Variants in CENPP observed in about 807,000 individuals in gnomAD.
CENPP encodes centromere protein P.
Under a neutral mutation model 35.6 loss-of-function variants are expected in CENPP, and 24 were observed. The ratio of observed to expected loss-of-function variants is 0.67; its 90% confidence interval spans 0.49 to 0.95. The LOEUF is 0.95. Ranked by LOEUF, CENPP falls within the 40% of genes least tolerant of loss-of-function variation. The pLI, the probability that CENPP is intolerant of heterozygous loss-of-function variation, is 0.00. For missense variants in CENPP, 332 were observed against 345.3 expected (o/e 0.96, Z 0.31); for synonymous variants, 120 against 125.5 (o/e 0.96, Z 0.29).
intron 5 of CENPP, among the ~76,000 whole-genome samples, chr9:92,532,022 T>TTTTTG: frequency 7.8e-6 from 1 of 127,954 alleles, no homozygotes; most frequent in African/African-American, 3.6e-5. Flanking sequence ...AATGTTTTTT[T>TTTTTG]TTTTTTATTT....
chr9:92,555,754 A>G (rs1849711010), intron 5 of CENPP, among the ~76,000 whole-genome samples: 1 of 152,066 alleles, frequency 6.6e-6, no homozygotes, highest in Admixed American at 6.5e-5. Flanking sequence ...TTTGTTTCTT[A>G]GTGAAGTTAT....
chr9:92,503,855 T>C (rs190697006), intron 5 of CENPP, among the ~76,000 whole-genome samples: 16 of 152,362 alleles, frequency 1.1e-4, no homozygotes, highest in African/African-American at 3.4e-4. Context: ...TGTCCATATG[T>C]TGAAAACTCT....
intron 5 of CENPP, chr9:92,502,465 G>T: frequency 1.3e-5 from 21 of 1,593,162 alleles, no homozygotes; most frequent in Non-Finnish European, 1.7e-5. Flanking sequence ...TAATAATAGC[G>T]AGAGGAAGAA....
intron 5 of CENPP, among the ~76,000 whole-genome samples, chr9:92,432,229 G>A (rs1844127291): frequency 6.6e-6 from 1 of 152,054 alleles, no homozygotes; most frequent in African/African-American, 2.4e-5. Context: ...GGAGGCTGAG[G>A]CAGGAGAATC....
intron 5 of CENPP, chr9:92,470,790 G>C (rs1359856463): frequency 1.4e-6 from 2 of 1,431,324 alleles, no homozygotes; most frequent in Non-Finnish European, 1.9e-6. Flanking sequence ...ACCTTAGAAA[G>C]AAACAAACAT....
chr9:92,341,335 A>C (rs1036177434), intron 3 of CENPP, among the ~76,000 whole-genome samples: 4 of 152,118 alleles, frequency 2.6e-5, no homozygotes, highest in African/African-American at 9.7e-5. Context: ...TACCCTGTTA[A>C]GTACTTGATG....
intron 4 of CENPP, among the ~76,000 whole-genome samples, chr9:92,374,009 T>A (rs1842067630): frequency 6.6e-6 from 1 of 151,868 alleles, no homozygotes; most frequent in African/African-American, 2.4e-5. Context: ...TTTTTGGCAT[T>A]TGCTTTTGTA....
intron 4 of CENPP, among the ~76,000 whole-genome samples, chr9:92,378,843 T>C (rs1183411779): frequency 6.6e-6 from 1 of 152,154 alleles, no homozygotes; most frequent in Non-Finnish European, 1.5e-5. Flanking sequence ...GGTGTGGTGG[T>C]GTGGTAATTG....
At chr9:92,581,419 A>T (rs1850422344) in intron 5 of CENPP, among the ~76,000 whole-genome samples, 2 of 152,292 alleles carry the variant, frequency 1.3e-5, no homozygotes, top group South Asian at 4.1e-4. Context: ...ACCTAAATAT[A>T]ATTTAATGGA....
At chr9:92,550,591 G>C (rs144129867) in intron 5 of CENPP, among the ~76,000 whole-genome samples, 61 of 151,698 alleles carry the variant, frequency 4.0e-4, no homozygotes, top group African/African-American at 1.5e-3. Context: ...TCCTGCTGTA[G>C]TAATATTCAG....
rs1399436621 is a variant in CENPP, at chr9:92,476,046, T to C, written c.564+96187T>C. ...TATGAAATTATTCAAAATAGATGCA[T>C]CCTAGAGATGCTCACTGGTGAAACT... On this transcript the variant is annotated intron_variant, in intron 5 of 7. Transcript: ENST00000375587. The surrounding 1 kb of genome is among the most constrained non-coding windows in gnomAD (Gnocchi z 4.1). Among the ~76,000 whole-genome samples, 1 of 152,186 alleles carries C rather than the reference T, an allele frequency of 6.6e-6. No individual in the cohort carries two copies. The highest frequency in any genetic ancestry group is 1.5e-5 in the Non-Finnish European group (1 of 68,038).
At chr9:92,569,736 T>A (rs1850086055) in intron 5 of CENPP, among the ~76,000 whole-genome samples, 1 of 152,220 alleles carries the variant, frequency 6.6e-6, no homozygotes, top group African/African-American at 2.4e-5. Context: ...TCCATTTGTT[T>A]GTGTCCCTTT....
intron 5 of CENPP, among the ~76,000 whole-genome samples, chr9:92,399,469 C>T (rs370267555): frequency 2.1e-4 from 32 of 151,990 alleles, no homozygotes; most frequent in African/African-American, 7.7e-4. Context: ...AGCTCTTTAT[C>T]TAGTGATATT....
At chr9:92,588,996 T>C (rs1310828864) in intron 5 of CENPP, among the ~76,000 whole-genome samples, 1 of 152,264 alleles carries the variant, frequency 6.6e-6, no homozygotes, top group African/African-American at 2.4e-5. Flanking sequence ...CTGCTTAATA[T>C]GCAAATGTAT....
chr9:92,537,279 T>A (rs1020126250), intron 5 of CENPP, among the ~76,000 whole-genome samples: 1 of 152,160 alleles, frequency 6.6e-6, no homozygotes, highest in East Asian at 1.9e-4. Context: ...TTTTGTAAAA[T>A]GACCTAGATA....
chr9:92,393,342 T>G, intron 5 of CENPP: 1 of 902,066 alleles, frequency 1.1e-6, no homozygotes, highest in Non-Finnish European at 1.6e-6. Context: ...TATTACTAAT[T>G]TGAAGAGATG....
chr9:92,607,388 G>A (rs542043991), intron 5 of CENPP, among the ~76,000 whole-genome samples: 55 of 152,222 alleles, frequency 3.6e-4, no homozygotes, highest in African/African-American at 1.1e-3. Flanking sequence ...GTAGCCTGGT[G>A]GTTGCTTATG....
intron 5 of CENPP, among the ~76,000 whole-genome samples, chr9:92,572,387 T>A (rs888533994): frequency 1.3e-5 from 2 of 152,208 alleles, no homozygotes; most frequent in Non-Finnish European, 2.9e-5. Context: ...GGTTGAAAAT[T>A]CTTTTCTTTA....
Position 92,619,953 on chromosome 9 carries a change from G to A in CENPP, c.*6804G>A, listed in dbSNP as rs906616192. On this transcript the variant is annotated 3_prime_UTR_variant, in exon 8 of 8. Coordinates refer to ENST00000375587, the MANE Select transcript of CENPP (RefSeq NM_001012267.3). ...TCAGAGTATCAAGTGAGTATCACTC[G>A]ACACCTGCAAGGAGAGCGCAGGGGG... 10 of 252,582 alleles carry A rather than the reference G, an allele frequency of 4.0e-5. No homozygotes were observed. The highest frequency in any genetic ancestry group is 3.0e-4 in the Admixed American group (7 of 23,188). 15.6% of individuals were successfully genotyped at this position (252,582 alleles called of 1,614,324 possible).
Sources: gnomAD v4.1 joint callset for allele counts (sites outside exome capture counted in the v4.1 genomes callset) on GRCh38, gnomAD v4.1.1 for gene constraint, Gnocchi (gnomAD v3.1) non-coding constraint, MANE v1.5 for transcripts, NCBI Gene and HGNC (gene_info 2026-07-23, HGNC 2026-07-21) for gene names.